The following PGGT1B variants were observed in gnomAD, a reference collection of about 807,000 sequenced individuals.
PGGT1B encodes the protein protein geranylgeranyltransferase type I subunit beta, also known as geranylgeranyl transferase type-1 subunit beta.
In PGGT1B, 30 loss-of-function variants were observed where a neutral mutation model predicts 46.1. The ratio of observed to expected loss-of-function variants is 0.65; its 90% CI spans 0.49 to 0.88. PGGT1B has a LOEUF of 0.88. PGGT1B is among the 40% of genes least tolerant of loss of function. The probability of loss-of-function intolerance (pLI) is 0.00; values close to 1 mark genes in which losing one functional copy is unlikely to be tolerated. For missense variants in PGGT1B, 376 were observed against 455.9 expected (o/e 0.82, Z 1.60); for synonymous variants, 170 against 160.0 (o/e 1.06, Z -0.47).
At chr5:115,261,991 T>G (rs1748573109) in intron 1 of PGGT1B, among the ~76,000 whole-genome samples, 1 of 152,192 alleles carries the variant, frequency 6.6e-6, no homozygotes. Context: ...TTGGAAAACG[T>G]GGGGAAAGAA....
intron 7 of PGGT1B, among the ~76,000 whole-genome samples, chr5:115,219,218 T>C (rs1030530017): frequency 6.6e-6 from 1 of 151,802 alleles, no homozygotes; most frequent in Non-Finnish European, 1.5e-5. Flanking sequence ...GCTACAGTAA[T>C]TAAAACAGTA....
chr5:115,249,425 A>G (rs1747990177), intron 2 of PGGT1B, among the ~76,000 whole-genome samples: 1 of 152,158 alleles, frequency 6.6e-6, no homozygotes, highest in Admixed American at 6.5e-5. Context: ...CTCATCCCTG[A>G]CGCGGGTGGC....
chr5:115,253,140 C>T lies in PGGT1B; in HGVS notation c.256G>A (p.Asp86Asn). The stretch of plus-strand genomic sequence containing the variant: ...AAAATGCTAAAAACTCACTCACTGT[C>T]TTCTGTGGGAAGGACCTGCAGGGAA... ...IYSLQVLPTE[D>N]RSNLNRCGFR... The change falls in exon 2 of 9, where the codon GAC (aspartate) becomes AAC (asparagine). Residue 86 changes from aspartate (D) to asparagine (N), a missense_variant. Physicochemically the swap from Asp to Asn is conservative, Grantham distance 23. Around this residue, in one of 2 missense-constraint regions of PGGT1B, gnomAD observed 154 missense variants for 142.3 expected, o/e 1.08. Coordinates refer to ENST00000419445, the MANE Select transcript of PGGT1B (RefSeq NM_005023.4). 1 of 1,600,054 alleles carries T rather than the reference C, an allele frequency of 6.2e-7. No individual in the cohort carries two copies. Among genetic ancestry groups the T allele is most frequent in the African/African-American group, 1.3e-5 (1 of 74,132 alleles).
At chr5:115,216,142 T>A (rs1447939581) in intron 8 of PGGT1B, among the ~76,000 whole-genome samples, 2 of 152,100 alleles carry the variant, frequency 1.3e-5, no homozygotes, top group South Asian at 2.1e-4. Flanking sequence ...TTTTATTTAA[T>A]GACTTTTTTT....
chr5:115,209,297 G>A lies in PGGT1B; in HGVS notation c.*3105C>T, dbSNP rs189527155. 6.2e-4 allele frequency: 95 copies of A among 152,132 alleles called. No homozygotes were observed. The highest frequency in any genetic ancestry group is 2.2e-3 in the African/African-American group (91 of 41,518). The allele number at this position is 152,132 out of a possible 1,614,324, so 9.4% of individuals were successfully genotyped here. On this transcript the variant is annotated 3_prime_UTR_variant, in exon 9 of 9. Coordinates refer to ENST00000419445, the MANE Select transcript of PGGT1B (RefSeq NM_005023.4). ...TCTCATAAGCTTCAAGAGGTACACAGCGTAAAACCCAGACAGCTCTAATGC... is the reference window on the plus strand; with the variant it reads ...TCTCATAAGCTTCAAGAGGTACACAACGTAAAACCCAGACAGCTCTAATGC...
chr5:115,216,005 A>C (rs370326952), intron 8 of PGGT1B, among the ~76,000 whole-genome samples: 1 of 152,210 alleles, frequency 6.6e-6, no homozygotes, highest in South Asian at 2.1e-4. Flanking sequence ...ATGATGCTAG[A>C]GGTGGGAGAG....
intron 5 of PGGT1B, among the ~76,000 whole-genome samples, chr5:115,235,287 A>G (rs965579544): frequency 6.6e-6 from 1 of 152,124 alleles, no homozygotes; most frequent in Non-Finnish European, 1.5e-5. Flanking sequence ...ATAAGTAAAT[A>G]AATAAATGCA....
intron 2 of PGGT1B, among the ~76,000 whole-genome samples, chr5:115,248,034 C>G (rs1029808242): frequency 6.6e-6 from 1 of 152,110 alleles, no homozygotes; most frequent in African/African-American, 2.4e-5. Context: ...ACTTACTTCC[C>G]CCATGTTATT....
At position 115,235,025 on chromosome 5, in the gene PGGT1B, C is replaced by A. The variant is rs113968579; in HGVS notation, c.612+1365G>T. 6.4e-3 allele frequency among the ~76,000 whole-genome samples: 971 copies of A among 151,980 alleles called. 6 individuals are homozygous for A. The highest frequency in any genetic ancestry group is 0.011 in the Non-Finnish European group (776 of 67,872). ...TATCCTCCAACAAGAATAACCAAGG[C>A]TCCTCAAAGAAATGACTGATTCCAG... On this transcript the variant is annotated intron_variant, in intron 5 of 8. Coordinates refer to ENST00000419445, the MANE Select transcript of PGGT1B (RefSeq NM_005023.4).
At chr5:115,243,489 CAT>C (rs879511537) in intron 2 of PGGT1B, among the ~76,000 whole-genome samples, 2 of 152,092 alleles carry the variant, frequency 1.3e-5, no homozygotes, top group Admixed American at 6.5e-5. Context: ...GCAAATGGCA[CAT>C]ATCAACAAAG....
At chr5:115,219,385 T>C (rs1756520137) in intron 7 of PGGT1B, among the ~76,000 whole-genome samples, 1 of 151,852 alleles carries the variant, frequency 6.6e-6, no homozygotes, top group Non-Finnish European at 1.5e-5. Context: ...CTAGGAAAAT[T>C]AGATATCCAC....
At chr5:115,219,093 G>T (rs768017806) in intron 7 of PGGT1B, among the ~76,000 whole-genome samples, 3 of 151,776 alleles carry the variant, frequency 2.0e-5, no homozygotes, top group Non-Finnish European at 4.4e-5. Flanking sequence ...TGCAGAAATG[G>T]GAAAGTCAAT....
chr5:115,262,338 G>C (rs891832585), intron 1 of PGGT1B, among the ~76,000 whole-genome samples: 3 of 152,182 alleles, frequency 2.0e-5, no homozygotes, highest in Non-Finnish European at 4.4e-5. Flanking sequence ...CTTTAGAGAG[G>C]ACAAGGATGC....
Position 115,211,143 on chromosome 5 carries a change from G to A in PGGT1B, c.*1259C>T, listed in dbSNP as rs1756207696. On this transcript the variant is annotated 3_prime_UTR_variant, in exon 9 of 9. Coordinates refer to ENST00000419445, the MANE Select transcript of PGGT1B (RefSeq NM_005023.4). ...GACTAACTTAAAGCCAACTCCTTTA[G>A]TGAAGAGATTTCTTTCCCCATTTCA... The A allele has an allele frequency of 6.6e-6, 1 of 151,960 alleles. No homozygotes were observed. The highest frequency in any genetic ancestry group is 6.6e-5 in the Admixed American group (1 of 15,264). 9.4% of individuals were successfully genotyped at this position (151,960 alleles called of 1,614,324 possible).
At chr5:115,252,931 C>A in intron 2 of PGGT1B, 1 of 501,672 alleles carries the variant, frequency 2.0e-6, no homozygotes, top group South Asian at 2.6e-5. Context: ...TATTAAATTC[C>A]AGATAACTCT....
At chr5:115,247,451 T>C (rs1020976078) in intron 2 of PGGT1B, among the ~76,000 whole-genome samples, 5 of 152,196 alleles carry the variant, frequency 3.3e-5, no homozygotes, top group African/African-American at 1.2e-4. Flanking sequence ...ACTTCTTAAC[T>C]TTCTAATCCT....
At chr5:115,238,571 A>G (rs1219871548) in intron 3 of PGGT1B, among the ~76,000 whole-genome samples, 1 of 152,042 alleles carries the variant, frequency 6.6e-6, no homozygotes, top group African/African-American at 2.4e-5. Flanking sequence ...GATTTCTAAA[A>G]CAAAACTTAT....
intron 5 of PGGT1B, among the ~76,000 whole-genome samples, chr5:115,234,823 T>G (rs1208939509): frequency 6.6e-6 from 1 of 151,932 alleles, no homozygotes; most frequent in Non-Finnish European, 1.5e-5. Context: ...TCACGATAGA[T>G]TCATGATTTT....
In PGGT1B at chr5:115,227,033, G is replaced by T. The variant is rs187389441; in HGVS notation, c.658+3943C>A. Among the ~76,000 whole-genome samples, 11 of 152,224 alleles carry T rather than the reference G, an allele frequency of 7.2e-5. No homozygotes were observed. In the East Asian group the frequency reaches 2.1e-3, roughly 30 times the overall value. On this transcript the variant is annotated intron_variant, in intron 6 of 8. Transcript: ENST00000419445. ...GAAAAGCCACATACAAATGTTTGGAGAGTATGTTTTCTTACAACCTAGAGT... is the reference window on the plus strand; with the variant it reads ...GAAAAGCCACATACAAATGTTTGGATAGTATGTTTTCTTACAACCTAGAGT...
Sources: allele counts gnomAD v4.1 joint callset (sites outside exome capture counted in the v4.1 genomes callset), GRCh38; gene constraint gnomAD v4.1.1; regional missense constraint gnomAD v4.1.1; transcripts MANE v1.5; gene names NCBI Gene and HGNC (gene_info 2026-07-23, HGNC 2026-07-21).